The following MYCBP2 variants were observed in gnomAD, a reference collection of about 807,000 sequenced individuals.
MYCBP2 encodes MYC binding protein 2.
MYCBP2 carries 120 observed loss-of-function variants against 525.3 expected under a neutral mutation model. The observed-to-expected ratio is 0.23, with a 90% CI of 0.20 to 0.27. MYCBP2 has a LOEUF of 0.27. Among genes scored for constraint, MYCBP2 ranks in the 10% least tolerant of loss-of-function variants. The probability of loss-of-function intolerance (pLI) is 1.00; values close to 1 mark genes in which losing one functional copy is unlikely to be tolerated. For missense variants in MYCBP2, 4,149 were observed against 5,657.1 expected (o/e 0.73, Z 8.55); for synonymous variants, 1,894 against 1,955.8 (o/e 0.97, Z 0.83).
intron 2 of MYCBP2, among the ~76,000 whole-genome samples, chr13:77,292,958 C>G (rs143120621): frequency 0.029 from 1,781 of 61,310 alleles, 37 homozygotes; most frequent in African/African-American, 0.094. Flanking sequence ...GACTCCGTCT[C>G]AAAAAAAAAA....
chr13:77,076,698 T>G, intron 68 of MYCBP2, 53 bp downstream of exon 68: 1 of 1,119,736 alleles, frequency 8.9e-7, no homozygotes, highest in South Asian at 1.4e-5. Context: ...ATTATTTCAC[T>G]GAAAAAAAGA....
In MYCBP2 at chr13:77,097,347, G is replaced by C. The variant is rs776774714; in HGVS notation, c.9784+23C>G. ...TCATTAAAGAAAAAAGCACTTATAC[G>C]TACATTCAACAGTATCATTTACCTG... On this transcript the variant is annotated intron_variant, in intron 56 of 82. Coordinates refer to ENST00000544440, the MANE Select transcript of MYCBP2 (RefSeq NM_015057.5). 7.0e-6 allele frequency: 11 copies of C among 1,567,250 alleles called. No individual in the cohort carries two copies. The Middle Eastern group carries it at 5.2e-4, about 74-fold the overall frequency.
intron 21 of MYCBP2, among the ~76,000 whole-genome samples, chr13:77,212,605 AG>A (rs1387966918): frequency 6.6e-6 from 1 of 152,242 alleles, no homozygotes; most frequent in Non-Finnish European, 1.5e-5. Context: ...CCATGTAAAA[AG>A]ACCAAAATAA....
rs569403659 is a variant in MYCBP2 at position 77,211,663 on chromosome 13, C to A, written c.3262+293G>T. Reference sequence around the variant, plus strand: ...TTTCTAACATTTATTTAGCAATAAACAATGCATAAAACTCTCTTACTCTAA... The same window carrying A: ...TTTCTAACATTTATTTAGCAATAAAAAATGCATAAAACTCTCTTACTCTAA... On this transcript the variant is annotated intron_variant, in intron 22 of 82. Transcript: ENST00000544440. 5.4e-4 allele frequency among the ~76,000 whole-genome samples: 82 copies of A among 152,252 alleles called. 1 individual carries two copies. Among genetic ancestry groups the A allele is most frequent in the Middle Eastern group, 3.4e-3 (1 of 294 alleles).
intron 15 of MYCBP2, among the ~76,000 whole-genome samples, chr13:77,249,241 T>C (rs769936020): frequency 3.9e-4 from 59 of 152,222 alleles, no homozygotes; most frequent in Admixed American, 1.6e-3. Flanking sequence ...CAGAACTGTC[T>C]ACTTAAAAAT....
At position 77,320,607 on chromosome 13, in the gene MYCBP2, T is replaced by C. The variant is rs547845935; in HGVS notation, c.302+5867A>G. Among the ~76,000 whole-genome samples the C allele has an allele frequency of 2.0e-5, 3 of 152,256 alleles. No homozygotes were observed. The East Asian group carries it at 5.8e-4, about 29-fold the overall frequency. On this transcript the variant is annotated intron_variant, in intron 1 of 82. Transcript: ENST00000544440. ...ACAATGTGCTCAAATTTTTACCCTG[T>C]GATTACTTGTTCTTTACAAATGGAA...
At chr13:77,125,950 T>C (rs2051577353) in intron 53 of MYCBP2, among the ~76,000 whole-genome samples, 1 of 152,168 alleles carries the variant, frequency 6.6e-6, no homozygotes, top group Non-Finnish European at 1.5e-5. Flanking sequence ...GTGAGACCTA[T>C]GAATGGGAAC....
intron 49 of MYCBP2, among the ~76,000 whole-genome samples, chr13:77,142,627 G>A (rs1379598496): frequency 6.6e-6 from 1 of 152,124 alleles, no homozygotes; most frequent in Non-Finnish European, 1.5e-5. Flanking sequence ...CCACGATAAG[G>A]ATTAAACATA....
intron 44 of MYCBP2, among the ~76,000 whole-genome samples, chr13:77,160,217 C>T (rs2057733253): frequency 6.6e-6 from 1 of 152,110 alleles, no homozygotes; most frequent in Non-Finnish European, 1.5e-5. Context: ...CAGGCATGCG[C>T]CACCACGCCC....
In MYCBP2 at chr13:77,096,296, A is replaced by G. The variant is rs1313374250; in HGVS notation, c.9954+16T>C. ...TCCATATCATTAAAAGTATAGCTCC[A>G]AATGGAATAAAATACCTTCTCCCTT... is the stretch of plus-strand genomic sequence containing the variant. On this transcript the variant is annotated intron_variant, in intron 57 of 82. Coordinates refer to ENST00000544440, the MANE Select transcript of MYCBP2 (RefSeq NM_015057.5). 1 of 1,611,948 alleles carries G rather than the reference A, an allele frequency of 6.2e-7. No individual in the cohort carries two copies.
Position 77,139,294 on chromosome 13 carries a change from T to C in MYCBP2, c.7561A>G (p.Thr2521Ala). 1 of 1,613,898 alleles carries C rather than the reference T, an allele frequency of 6.2e-7. No individual in the cohort carries two copies. The highest frequency in any genetic ancestry group is 8.5e-7 in the Non-Finnish European group (1 of 1,179,846). Reference sequence around the variant, plus strand: ...ATGTTAGGGACATACTTCTTTATTGTCTCATCATTCAGCCTCAGCCACACA... The same window carrying C: ...ATGTTAGGGACATACTTCTTTATTGCCTCATCATTCAGCCTCAGCCACACA... The part of the protein sequence containing the change: ...DGVWLRLNDE[T>A]IKKYVPNMNG... Residue 2521 changes from threonine (T) to alanine (A), a missense_variant, in exon 52 of 83, where the codon ACA becomes GCA. Thr to Ala is a moderately conservative substitution (Grantham distance 58). Transcript: ENST00000544440.
intron 1 of MYCBP2, among the ~76,000 whole-genome samples, chr13:77,305,317 G>C (rs936933972): frequency 1.3e-5 from 2 of 151,986 alleles, no homozygotes; most frequent in Non-Finnish European, 2.9e-5. Context: ...AATGTATAAA[G>C]TGTAGCACTT....
At chr13:77,140,996 T>G (rs1216743662) in intron 49 of MYCBP2, 53 bp from the exon 50 acceptor site, 1 of 1,260,672 alleles carries the variant, frequency 7.9e-7, no homozygotes, top group Non-Finnish European at 1.1e-6. Context: ...AGAAGGAAGA[T>G]CCTTAAACCT....
intron 69 of MYCBP2, among the ~76,000 whole-genome samples, chr13:77,069,525 G>A (rs2040780738): frequency 6.6e-6 from 1 of 150,732 alleles, no homozygotes; most frequent in African/African-American, 2.4e-5. Context: ...GGATCATGAG[G>A]TCAGGAGATC....
At chr13:77,307,981 C>G (rs1286809088) in intron 1 of MYCBP2, among the ~76,000 whole-genome samples, 1 of 152,112 alleles carries the variant, frequency 6.6e-6, no homozygotes, top group African/African-American at 2.4e-5. Flanking sequence ...TGTGAGCTAT[C>G]TGCTCATGTT....
intron 3 of MYCBP2, among the ~76,000 whole-genome samples, chr13:77,284,711 T>C (rs1483379317): frequency 6.6e-6 from 1 of 152,222 alleles, no homozygotes; most frequent in Non-Finnish European, 1.5e-5. Flanking sequence ...CATTTTCTTG[T>C]TTGCACCTAA....
At position 77,061,675 on chromosome 13, in the gene MYCBP2, GT is replaced by G; in HGVS notation, c.12889del (p.Thr4297LeufsTer14). On this transcript the variant is annotated frameshift_variant, in exon 75 of 83. Transcript: ENST00000544440. LOFTEE classifies it high-confidence loss of function. ...AAAAATCTTCACCTGTCTTTGATGA[GT>G]TTTGGTTCTTCGATGAAGGTGAAGG... The part of the protein sequence containing the change: ...RFLHLHRRTK[T>X]HQRQVFKEEE... 1 of 1,610,302 alleles carries G rather than the reference GT, an allele frequency of 6.2e-7. No homozygotes were observed. The highest frequency in any genetic ancestry group is 8.5e-7 in the Non-Finnish European group (1 of 1,179,038).
At chr13:77,288,700 T>A (rs1165179543) in intron 2 of MYCBP2, among the ~76,000 whole-genome samples, 2 of 152,228 alleles carry the variant, frequency 1.3e-5, no homozygotes, top group Non-Finnish European at 2.9e-5. Context: ...AGGAAATTCA[T>A]TTTACGACTT....
chr13:77,062,975 G>C (rs1438343917), intron 73 of MYCBP2, among the ~76,000 whole-genome samples: 3 of 151,986 alleles, frequency 2.0e-5, no homozygotes, highest in South Asian at 2.1e-4. Flanking sequence ...ATCCTTTATT[G>C]GTCTACTATG....
Sources: allele counts gnomAD v4.1 joint callset (sites outside exome capture counted in the v4.1 genomes callset), GRCh38; gene constraint gnomAD v4.1.1; transcripts MANE v1.5; gene names NCBI Gene and HGNC (gene_info 2026-07-23, HGNC 2026-07-21).